PBX1: variants seen among roughly 807,000 people sequenced by gnomAD.
PBX1 encodes PBX homeobox 1, also known as pre-B-cell leukemia transcription factor 1.
A neutral mutation model predicts 53.4 loss-of-function variants in PBX1; 6 were observed. The ratio of observed to expected loss-of-function variants is 0.11; its 90% CI spans 0.06 to 0.22. The LOEUF (loss-of-function observed/expected upper bound fraction) is 0.22, where lower values mean the gene tolerates loss of function less well. Among genes scored for constraint, PBX1 ranks in the 10% least tolerant of loss-of-function variants. The pLI is 1.00. For synonymous variants in PBX1, 204 were observed against 212.3 expected, an observed-to-expected ratio of 0.96 and a Z score of 0.34; for missense variants, 251 against 551.4, an observed-to-expected ratio of 0.46 and a Z score of 5.46.
chr1:164,778,238 T>A (rs533365401), intron 2 of PBX1, among the ~76,000 whole-genome samples: 1 of 152,158 alleles, frequency 6.6e-6, no homozygotes, highest in African/African-American at 2.4e-5. Flanking sequence ...CACTTCCATA[T>A]CTCCTGTCCC....
chr1:164,593,404 G>A (rs949645959), intron 2 of PBX1, among the ~76,000 whole-genome samples: 1 of 152,062 alleles, frequency 6.6e-6, no homozygotes, highest in African/African-American at 2.4e-5. Flanking sequence ...TACTTCCAAA[G>A]AATTAATCTA....
intron 1 of PBX1, among the ~76,000 whole-genome samples, chr1:164,560,812 G>A (rs1557860525): frequency 6.6e-6 from 1 of 151,978 alleles, no homozygotes; most frequent in Non-Finnish European, 1.5e-5. Context: ...AAAAGGGGTG[G>A]GGGGACAAAA....
chr1:164,606,761 T>C (rs1656589160), intron 2 of PBX1, among the ~76,000 whole-genome samples: 1 of 152,208 alleles, frequency 6.6e-6, no homozygotes, highest in Admixed American at 6.5e-5. Flanking sequence ...AATGAGTGTA[T>C]GAAACAGTTC....
intron 2 of PBX1, among the ~76,000 whole-genome samples, chr1:164,885,030 T>G (rs1241851963): frequency 6.6e-6 from 1 of 152,198 alleles, no homozygotes; most frequent in Non-Finnish European, 1.5e-5. Context: ...CCGGTCACTG[T>G]GTGAGGTGCT....
intron 2 of PBX1, among the ~76,000 whole-genome samples, chr1:164,602,864 T>G (rs993374798): frequency 5.9e-5 from 9 of 152,178 alleles, no homozygotes; most frequent in African/African-American, 1.9e-4. Context: ...GGTTGTAAAT[T>G]AAGGGCTGAG....
At chr1:164,677,089 T>C (rs1405302192) in intron 2 of PBX1, among the ~76,000 whole-genome samples, 2 of 27,912 alleles carry the variant, frequency 7.2e-5, no homozygotes, top group East Asian at 6.6e-3. Context: ...TGACATTTTT[T>C]TTTTTTTTTT....
chr1:164,854,550 C>T (rs1671937178), downstream of PBX1, among the ~76,000 whole-genome samples: 1 of 152,032 alleles, frequency 6.6e-6, no homozygotes, highest in South Asian at 2.1e-4. Context: ...GGAGTTCCCT[C>T]TCATTCCTGC....
At chr1:164,639,943 A>G (rs1203008661) in intron 2 of PBX1, among the ~76,000 whole-genome samples, 2 of 151,950 alleles carry the variant, frequency 1.3e-5, no homozygotes, top group Non-Finnish European at 2.9e-5. Flanking sequence ...GATTACAGAT[A>G]TAAGGCACTG....
At chr1:164,634,434 A>T (rs1210874677) in intron 2 of PBX1, among the ~76,000 whole-genome samples, 1 of 152,188 alleles carries the variant, frequency 6.6e-6, no homozygotes, top group African/African-American at 2.4e-5. Context: ...CTCCTAAAGC[A>T]TTTATTATTT....
At chr1:164,817,833 T>C (rs1571464123) in intron 6 of PBX1, 1 of 152,228 alleles carries the variant, frequency 6.6e-6, no homozygotes, top group East Asian at 1.9e-4. Flanking sequence ...CAGAAAAACA[T>C]TGGTCAAACT....
chr1:164,744,267 T>C (rs1665773404), intron 2 of PBX1, among the ~76,000 whole-genome samples: 1 of 152,238 alleles, frequency 6.6e-6, no homozygotes, highest in African/African-American at 2.4e-5. Context: ...TCTAGCCTAA[T>C]CTTGTAACTT....
rs572075847 is a variant in PBX1 at position 164,813,407 on chromosome 1, A to G, written c.997+1258A>G. On this transcript the variant is annotated intron_variant, in intron 6 of 8. Transcript: ENST00000420696. Reference sequence around the variant, plus strand: ...TGCAGGTTAGATTCCTATGAGGAGCATATTTACTTTTTTAGAAATATTTTG... The same window carrying G: ...TGCAGGTTAGATTCCTATGAGGAGCGTATTTACTTTTTTAGAAATATTTTG... The G allele has an allele frequency of 9.2e-5, 14 of 152,366 alleles. No individual in the cohort carries two copies. The South Asian group carries it at 2.7e-3, about 29-fold the overall frequency. The allele number at this position is 152,366 out of a possible 1,614,324, so 9.4% of individuals were successfully genotyped here. A position where few individuals can be genotyped will look rare whatever the true frequency, so the allele number is the denominator to read the frequency against.
chr1:164,707,418 T>TGTGAGAGAGAGAGA (rs58617739), intron 2 of PBX1, among the ~76,000 whole-genome samples: 85 of 118,248 alleles, frequency 7.2e-4, no homozygotes, highest in African/African-American at 3.2e-3. Flanking sequence ...TGTGTGTGTG[T>TGTGAGAGAGAGAGA]GAGAGAGAGA....
chr1:164,641,187 C>T (rs1351007321), intron 2 of PBX1: 1 of 153,242 alleles, frequency 6.5e-6, no homozygotes, highest in Admixed American at 6.5e-5. Context: ...CCATGTGCCA[C>T]AGCAGACTTG....
rs1671850586 is a variant in PBX1, at chr1:164,851,734, C to T, written c.*5058C>T. 5.6e-6 allele frequency: 1 copy of T among 179,846 alleles called. No homozygotes were observed. Among genetic ancestry groups the T allele is most frequent in the Admixed American group, 6.3e-5 (1 of 15,886 alleles). The allele number at this position is 179,846 out of a possible 1,614,324, so 11.1% of individuals were successfully genotyped here. ...TTGATTCCAACTGAACTTTTGTGTTCTCTAATGATACTAACACGGTGTAGG... is the reference window on the plus strand; with the variant it reads ...TTGATTCCAACTGAACTTTTGTGTTTTCTAATGATACTAACACGGTGTAGG... On this transcript the variant is annotated 3_prime_UTR_variant, in exon 9 of 9. Transcript: ENST00000420696.
At chr1:164,572,123 T>C (rs949700593) in intron 2 of PBX1, among the ~76,000 whole-genome samples, 2 of 151,540 alleles carry the variant, frequency 1.3e-5, no homozygotes, top group African/African-American at 4.9e-5. Context: ...ACCAGGCTGG[T>C]CTCGAACTCC....
chr1:164,611,759 A>G (rs906363702), intron 2 of PBX1, among the ~76,000 whole-genome samples: 1 of 152,196 alleles, frequency 6.6e-6, no homozygotes, highest in African/African-American at 2.4e-5. Flanking sequence ...CATACCCCAC[A>G]GGAAATGGGG....
chr1:164,777,063 C>T (rs1484332172), intron 2 of PBX1, among the ~76,000 whole-genome samples: 1 of 151,672 alleles, frequency 6.6e-6, no homozygotes, highest in East Asian at 1.9e-4. Context: ...TACATATGAA[C>T]TGAATAAATG....
chr1:164,754,956 A>T (rs1203432586), intron 2 of PBX1, among the ~76,000 whole-genome samples: 2 of 152,238 alleles, frequency 1.3e-5, no homozygotes, highest in African/African-American at 2.4e-5. Context: ...TGGTGCTAAG[A>T]ATTAAAAGCC....
Sources: allele counts gnomAD v4.1 joint callset (sites outside exome capture counted in the v4.1 genomes callset), GRCh38; gene constraint gnomAD v4.1.1; transcripts MANE v1.5; gene names NCBI Gene and HGNC (gene_info 2026-07-23, HGNC 2026-07-21).